The following PLEKHG7 variants were observed in gnomAD, a reference collection of about 807,000 sequenced individuals.
PLEKHG7 encodes the protein pleckstrin homology domain-containing family G member 7.
PLEKHG7 carries 77 observed loss-of-function variants against 85.2 expected under a neutral mutation model. The ratio of observed to expected loss-of-function variants is 0.90; its 90% CI spans 0.75 to 1.09. PLEKHG7 has a LOEUF of 1.09. Among genes scored for constraint, PLEKHG7 ranks in the 50% least tolerant of loss-of-function variants. PLEKHG7 has a pLI of 0.00. For synonymous variants in PLEKHG7, 301 were observed against 302.4 expected (o/e 1.00, Z 0.05); for missense variants, 777 against 804.3 (o/e 0.97, Z 0.41).
At chr12:92,703,989 A>T (rs745898031) in intron 1 of PLEKHG7, among the ~76,000 whole-genome samples, 1 of 152,262 alleles carries the variant, frequency 6.6e-6, no homozygotes, top group Non-Finnish European at 1.5e-5. Flanking sequence ...GCAAGTGCCT[A>T]TGCAAATATA....
In PLEKHG7 at chr12:92,770,077, T is replaced by C; in HGVS notation, c.1969-11T>C. 1 of 1,558,252 alleles carries C rather than the reference T, an allele frequency of 6.4e-7. No individual in the cohort carries two copies. Among genetic ancestry groups the C allele is most frequent in the African/African-American group, 1.4e-5 (1 of 72,052 alleles). On this transcript the variant is annotated splice_polypyrimidine_tract_variant and intron_variant, in intron 16 of 16. Coordinates refer to ENST00000344636, the MANE Select transcript of PLEKHG7 (RefSeq NM_001377329.1). ...ATCTCTATTTATGTATTTTTTTCTT[T>C]TTTTCAACAGAAAACATGGATGGCA...
chr12:92,765,276 C>T (rs1351325913), intron 15 of PLEKHG7, among the ~76,000 whole-genome samples: 1 of 150,360 alleles, frequency 6.7e-6, no homozygotes, highest in African/African-American at 2.5e-5. Context: ...TGCTTGAGGC[C>T]AGGAGTTTGA....
Position 92,719,328 on chromosome 12 carries a change from A to G in PLEKHG7, c.531-9665A>G, listed in dbSNP as rs545215624. Reference sequence around the variant, plus strand: ...AATCAACCCATAGTTATAAGCAAGCATTCCAAATTGCACTATATTTCTTGC... The same window carrying G: ...AATCAACCCATAGTTATAAGCAAGCGTTCCAAATTGCACTATATTTCTTGC... On this transcript the variant is annotated intron_variant, in intron 3 of 16. Transcript: ENST00000344636. Among the ~76,000 whole-genome samples, 4 of 152,350 alleles carry G rather than the reference A, an allele frequency of 2.6e-5. No individual in the cohort carries two copies. In the East Asian group the frequency reaches 7.7e-4, roughly 29 times the overall value.
intron 9 of PLEKHG7, 84 bp from the exon 10 acceptor site, chr12:92,745,394 T>C (rs1404950128): frequency 1.1e-6 from 1 of 917,354 alleles, no homozygotes; most frequent in East Asian, 2.4e-5. Context: ...TAGTTAATGA[T>C]AAAAGTGAGG....
intron 5 of PLEKHG7, among the ~76,000 whole-genome samples, chr12:92,732,750 T>A (rs967684542): frequency 2.6e-5 from 4 of 152,168 alleles, no homozygotes; most frequent in African/African-American, 9.7e-5. Flanking sequence ...CATTCTTGGC[T>A]CCATCAATAA....
chr12:92,763,912 G>GTA, intron 14 of PLEKHG7, 129 bp from the exon 15 acceptor site: 1 of 654,614 alleles, frequency 1.5e-6, no homozygotes, highest in East Asian at 3.1e-5. Flanking sequence ...AGAAAGAGTA[G>GTA]TAAGATTTTA....
chr12:92,737,609 AAAAG>A (rs1872197896), intron 7 of PLEKHG7, 88 bp downstream of exon 7: 3 of 1,308,932 alleles, frequency 2.3e-6, no homozygotes, highest in African/African-American at 1.5e-5. Flanking sequence ...AGAAATAAAG[AAAAG>A]AAAGAGAGAA....
At chr12:92,710,210 T>C (rs1871340757) in intron 3 of PLEKHG7, among the ~76,000 whole-genome samples, 1 of 152,156 alleles carries the variant, frequency 6.6e-6, no homozygotes. Flanking sequence ...CAGTACCATA[T>C]ATTGGATGCT....
intron 12 of PLEKHG7, 136 bp downstream of exon 12, chr12:92,756,076 T>C (rs1295532275): frequency 1.4e-6 from 1 of 730,996 alleles, no homozygotes; most frequent in Non-Finnish European, 2.3e-6. Flanking sequence ...AAGTAAAGTC[T>C]TCATCTGTAG....
chr12:92,729,156 A>G, intron 4 of PLEKHG7, 36 bp downstream of exon 4: 5 of 1,231,158 alleles, frequency 4.1e-6, no homozygotes, highest in Non-Finnish European at 5.1e-6. Flanking sequence ...TTCCATGCCC[A>G]CTGTGGAACA....
intron 13 of PLEKHG7, 129 bp from the exon 14 acceptor site, chr12:92,761,623 G>GAAGAAAGAAAGAAAGAAGAAAGA: frequency 1.4e-6 from 1 of 710,442 alleles, no homozygotes; most frequent in African/African-American, 2.3e-5. Context: ...AAGAAAGAAA[G>GAAGAAAGAAAGAAAGAAGAAAGA]AAGAAAGAAA....
At chr12:92,761,643 A>AAGAAAGG in intron 13 of PLEKHG7, 109 bp from the exon 14 acceptor site, 1 of 532,982 alleles carries the variant, frequency 1.9e-6, no homozygotes, top group Non-Finnish European at 2.6e-6. Context: ...AGAAAGAAAG[A>AAGAAAGG]AAGAAAGAAA....
rs1323953081 is a variant in PLEKHG7, at chr12:92,707,665, C to A, written c.523C>A (p.Pro175Thr). 6.2e-7 allele frequency: 1 copy of A among 1,613,744 alleles called. No homozygotes were observed. The highest frequency in any genetic ancestry group is 8.5e-7 in the Non-Finnish European group (1 of 1,179,818). ...HPSPQGEELH[P>T]SRFYEHRRSS... is the part of the protein sequence containing the mutation. ...TTTATTTCAGGGAGAAGAATTGCAC[C>A]CATCCAGGTGTGTATGCATTTATTT... Residue 175 changes from proline (P) to threonine (T), a missense_variant, in exon 3 of 17, where the codon CCA becomes ACA. By Grantham distance (38) the Pro-to-Thr change is conservative. This residue lies in a region of PLEKHG7 where 252 missense variants were observed against 241.9 expected (regional missense o/e 1.04). Coordinates refer to ENST00000344636, the MANE Select transcript of PLEKHG7 (RefSeq NM_001377329.1).
At chr12:92,746,810 G>A (rs1267341591) in intron 10 of PLEKHG7, among the ~76,000 whole-genome samples, 1 of 152,150 alleles carries the variant, frequency 6.6e-6, no homozygotes, top group Non-Finnish European at 1.5e-5. Flanking sequence ...ATAGCATTAG[G>A]AAAACTGAAT....
rs1871229699 is a variant in PLEKHG7, at chr12:92,706,463, C to T, written c.-161-8C>T. The T allele has an allele frequency of 2.7e-6, 2 of 744,598 alleles. No homozygotes were observed. Among genetic ancestry groups the T allele is most frequent in the Non-Finnish European group, 4.1e-6 (2 of 486,066 alleles). The allele number at this position is 744,598 out of a possible 1,614,324, so 46.1% of individuals were successfully genotyped here. A position where few individuals can be genotyped will look rare whatever the true frequency, so the allele number is the denominator to read the frequency against. On this transcript the variant is annotated splice_polypyrimidine_tract_variant and splice_region_variant and intron_variant, in intron 1 of 16. Coordinates refer to ENST00000344636, the MANE Select transcript of PLEKHG7 (RefSeq NM_001377329.1). Reference sequence around the variant, plus strand: ...ACATATTTCACAGTCTGCTCTTCCTCACTACAGATGCAATAACCTGCTTGA... The same window carrying T: ...ACATATTTCACAGTCTGCTCTTCCTTACTACAGATGCAATAACCTGCTTGA...
chr12:92,720,788 T>C (rs574502673), intron 3 of PLEKHG7, among the ~76,000 whole-genome samples: 114 of 152,318 alleles, frequency 7.5e-4, no homozygotes, highest in African/African-American at 2.5e-3. Flanking sequence ...TGTGGACATA[T>C]CACTTTTGGG....
rs576852051 is a variant in PLEKHG7 at position 92,734,131 on chromosome 12, GTCT to G, written c.699+1866_699+1868del. ...CAATATCTGTTTTCTTAAAATTAAC[GTCT>G]TCTTCTTTCATTTATCCTCTTAGCC... On this transcript the variant is annotated intron_variant, in intron 5 of 16. Coordinates refer to ENST00000344636, the MANE Select transcript of PLEKHG7 (RefSeq NM_001377329.1). Among the ~76,000 whole-genome samples the G allele has an allele frequency of 1.1e-4, 17 of 152,240 alleles. No homozygotes were observed. In the South Asian group the frequency reaches 2.1e-3, roughly 19 times the overall value.
At chr12:92,769,669 C>T (rs1873342765) in intron 16 of PLEKHG7, among the ~76,000 whole-genome samples, 1 of 152,176 alleles carries the variant, frequency 6.6e-6, no homozygotes, top group Non-Finnish European at 1.5e-5. Context: ...GGCCAGACAA[C>T]AAATGCAATA....
intron 9 of PLEKHG7, among the ~76,000 whole-genome samples, chr12:92,742,360 G>A (rs1176316998): frequency 6.6e-6 from 1 of 152,046 alleles, no homozygotes; most frequent in Non-Finnish European, 1.5e-5. Flanking sequence ...TAAATGCTGG[G>A]GAAAAGGAGT....
Sources: allele counts gnomAD v4.1 joint callset (sites outside exome capture counted in the v4.1 genomes callset), GRCh38; gene constraint gnomAD v4.1.1; regional missense constraint gnomAD v4.1.1; transcripts MANE v1.5; gene names NCBI Gene and HGNC (gene_info 2026-07-23, HGNC 2026-07-21).